The following DLG2 variants were observed in gnomAD, a reference collection of about 807,000 sequenced individuals.
The protein encoded by DLG2 is disks large homolog 2.
In DLG2, 45 loss-of-function variants were observed where a neutral mutation model predicts 132.5. The observed-to-expected ratio is 0.34, with a 90% CI of 0.27 to 0.44. The LOEUF is 0.44. DLG2 is among the 20% of genes least tolerant of loss of function. DLG2 has a pLI of 1.00. For missense variants in DLG2, 1,045 were observed against 1,196.9 expected (o/e 0.87, Z 1.87); for synonymous variants, 424 against 419.6 (o/e 1.01, Z -0.13).
chr11:83,565,408 G>A (rs1297378972), intron 19 of DLG2, among the ~76,000 whole-genome samples: 1 of 152,148 alleles, frequency 6.6e-6, no homozygotes, highest in Non-Finnish European at 1.5e-5. Flanking sequence ...AGGCAGCCAG[G>A]ATAATATAAC....
intron 17 of DLG2, among the ~76,000 whole-genome samples, chr11:83,831,807 G>A (rs969684234): frequency 6.6e-6 from 1 of 151,998 alleles, no homozygotes; most frequent in African/African-American, 2.4e-5. Flanking sequence ...AATATAGGCA[G>A]GAACACTCAC....
rs144833737 is a variant in DLG2, at chr11:85,564,722, C to A, written c.40+33935G>T. Among the ~76,000 whole-genome samples, 253 of 152,004 alleles carry A rather than the reference C, an allele frequency of 1.7e-3. 1 individual carries two copies. The highest frequency in any genetic ancestry group is 5.9e-3 in the African/African-American group (243 of 41,536). On this transcript the variant is annotated intron_variant, in intron 3 of 27. Transcript: ENST00000376104. Reference sequence around the variant, plus strand: ...TCTCCTTCTTTTTCAAAACTGCTTTCATTATTCTAGGCTTTTGGCATTTAT... The same window carrying A: ...TCTCCTTCTTTTTCAAAACTGCTTTAATTATTCTAGGCTTTTGGCATTTAT...
intron 2 of DLG2, among the ~76,000 whole-genome samples, chr11:85,625,965 G>A (rs2082009259): frequency 6.6e-6 from 1 of 152,170 alleles, no homozygotes; most frequent in African/African-American, 2.4e-5. Context: ...AATAAAAGTT[G>A]TTGAGGAGGG....
chr11:84,827,284 T>C (rs1167701691), intron 6 of DLG2, among the ~76,000 whole-genome samples: 3 of 151,186 alleles, frequency 2.0e-5, no homozygotes, highest in Non-Finnish European at 3.0e-5. Flanking sequence ...ATGGGCTAGA[T>C]AGGACAGTGA....
At chr11:83,702,156 C>CT (rs913811781) in intron 18 of DLG2, among the ~76,000 whole-genome samples, 18 of 151,660 alleles carry the variant, frequency 1.2e-4, no homozygotes, top group East Asian at 1.2e-3. Flanking sequence ...TTAACTTTCA[C>CT]TTTTTTTTTC....
intron 6 of DLG2, among the ~76,000 whole-genome samples, chr11:84,672,169 T>C (rs1357449403): frequency 6.6e-6 from 1 of 152,162 alleles, no homozygotes; most frequent in African/African-American, 2.4e-5. Context: ...GTGTAAAAAA[T>C]GCTTTAGTAA....
At chr11:83,999,456 C>T (rs1290807049) in intron 11 of DLG2, among the ~76,000 whole-genome samples, 1 of 152,080 alleles carries the variant, frequency 6.6e-6, no homozygotes, top group African/African-American at 2.4e-5. Flanking sequence ...TGCCATTGTC[C>T]ATGCCATGCC....
At chr11:84,824,103 T>C (rs116318086) in intron 6 of DLG2, among the ~76,000 whole-genome samples, 8,982 of 151,908 alleles carry the variant, frequency 0.059, 324 homozygotes, top group Non-Finnish European at 0.086. Context: ...TTGTTGTATG[T>C]CCCTCTCACC....
intron 6 of DLG2, among the ~76,000 whole-genome samples, chr11:84,826,145 ATTAGG>A (rs1458746205): frequency 6.6e-6 from 1 of 151,864 alleles, no homozygotes; most frequent in Non-Finnish European, 1.5e-5. Context: ...TAATAATCAT[ATTAGG>A]TTAAATACGG....
chr11:84,474,430 G>A (rs1339544854), intron 7 of DLG2, among the ~76,000 whole-genome samples: 1 of 152,026 alleles, frequency 6.6e-6, no homozygotes, highest in Non-Finnish European at 1.5e-5. Flanking sequence ...TTATTATTGT[G>A]ACTCCTCTAA....
intron 18 of DLG2, among the ~76,000 whole-genome samples, chr11:83,687,496 T>C (rs543549756): frequency 3.3e-5 from 5 of 152,210 alleles, no homozygotes; most frequent in African/African-American, 7.2e-5. Context: ...TGATTTTTCA[T>C]TGAGCTAAAA....
At chr11:84,678,558 G>A (rs1304324037) in intron 6 of DLG2, among the ~76,000 whole-genome samples, 1 of 152,048 alleles carries the variant, frequency 6.6e-6, no homozygotes, top group African/African-American at 2.4e-5. Flanking sequence ...CTATACTGAT[G>A]AATGAGGCTA....
chr11:85,237,886 T>C (rs528560769), intron 4 of DLG2, among the ~76,000 whole-genome samples: 2 of 152,220 alleles, frequency 1.3e-5, no homozygotes, highest in East Asian at 3.9e-4. Flanking sequence ...TGTTCATCTT[T>C]TCCCTTCAAA....
intron 6 of DLG2, among the ~76,000 whole-genome samples, chr11:84,848,532 T>C (rs889454534): frequency 6.6e-6 from 1 of 151,988 alleles, no homozygotes; most frequent in Non-Finnish European, 1.5e-5. Flanking sequence ...GAGAATGCTA[T>C]GTTTACTCCC....
At chr11:84,031,039 G>C (rs990611143) in intron 11 of DLG2, among the ~76,000 whole-genome samples, 1 of 152,112 alleles carries the variant, frequency 6.6e-6, no homozygotes, top group African/African-American at 2.4e-5. Flanking sequence ...AGTTCTATCC[G>C]GAAAACCATA....
chr11:84,888,051 T>C (rs2088638007), intron 6 of DLG2, among the ~76,000 whole-genome samples: 1 of 152,160 alleles, frequency 6.6e-6, no homozygotes, highest in Admixed American at 6.6e-5. Flanking sequence ...CTCTCATTGA[T>C]TCATATTTTC....
chr11:83,915,617 AT>A (rs978355540), intron 15 of DLG2, among the ~76,000 whole-genome samples: 1 of 152,096 alleles, frequency 6.6e-6, no homozygotes, highest in African/African-American at 2.4e-5. Flanking sequence ...TTTTAAAATT[AT>A]TTTTTATTAT....
intron 7 of DLG2, among the ~76,000 whole-genome samples, chr11:84,480,052 A>T (rs562281353): frequency 6.6e-6 from 1 of 152,292 alleles, no homozygotes; most frequent in South Asian, 2.1e-4. Flanking sequence ...GACTCTTAAG[A>T]AATGTTTTGC....
chr11:83,478,986 A>C (rs1297920572), intron 22 of DLG2, among the ~76,000 whole-genome samples: 2 of 152,074 alleles, frequency 1.3e-5, no homozygotes, highest in African/African-American at 4.8e-5. Context: ...AAATTATAAA[A>C]GTATAAAGAA....
Sources: allele counts gnomAD v4.1 joint callset (sites outside exome capture counted in the v4.1 genomes callset), GRCh38; gene constraint gnomAD v4.1.1; transcripts MANE v1.5; gene names NCBI Gene and HGNC (gene_info 2026-07-23, HGNC 2026-07-21).